Variants in GAS2L3 observed in about 807,000 individuals in gnomAD.
GAS2L3 encodes the protein growth arrest specific 2 like 3.
Under a neutral mutation model 37.0 loss-of-function variants are expected in GAS2L3, and 28 were observed. The observed-to-expected ratio is 0.76, with a 90% CI of 0.56 to 1.04. The LOEUF (loss-of-function observed/expected upper bound fraction) is 1.04, where lower values mean the gene tolerates loss of function less well. GAS2L3 is among the 50% of genes least tolerant of loss of function. The pLI, the probability that GAS2L3 is intolerant of heterozygous loss-of-function variation, is 0.00. For synonymous variants in GAS2L3, 290 were observed against 296.6 expected (o/e 0.98, Z 0.23); for missense variants, 793 against 817.6 (o/e 0.97, Z 0.37).
intron 1 of GAS2L3, among the ~76,000 whole-genome samples, chr12:100,589,634 A>C (rs891902433): frequency 3.9e-5 from 6 of 152,216 alleles, no homozygotes; most frequent in African/African-American, 7.2e-5. Flanking sequence ...TAATCAAAAA[A>C]GAATAAATCT....
intron 6 of GAS2L3, among the ~76,000 whole-genome samples, chr12:100,613,220 T>C (rs183537851): frequency 6.6e-6 from 1 of 152,346 alleles, no homozygotes; most frequent in Admixed American, 6.5e-5. Flanking sequence ...ATTTCTCATT[T>C]TCAGTAGAAG....
chr12:100,603,053 C>G (rs1260719567), intron 5 of GAS2L3, among the ~76,000 whole-genome samples: 5 of 152,158 alleles, frequency 3.3e-5, no homozygotes, highest in African/African-American at 1.2e-4. Flanking sequence ...TACTGATGGA[C>G]TTTTAGGTTG....
Position 100,626,865 on chromosome 12 carries a change from G to A in GAS2L3, c.*1975G>A, listed in dbSNP as rs1956336901. On this transcript the variant is annotated 3_prime_UTR_variant, in exon 10 of 10. Coordinates refer to ENST00000547754, the MANE Select transcript of GAS2L3 (RefSeq NM_174942.3). ...CCAGCATTTTGGGAAGCCAAGTTGG[G>A]CAGATCACGAAGTCAGGAGTTCGAA... The A allele has an allele frequency of 6.6e-6, 1 of 152,082 alleles. No individual in the cohort carries two copies. The highest frequency in any genetic ancestry group is 6.5e-5 in the Admixed American group (1 of 15,272). 9.4% of individuals were successfully genotyped at this position (152,082 alleles called of 1,614,324 possible).
chr12:100,601,023 T>G (rs1955981968), intron 4 of GAS2L3, among the ~76,000 whole-genome samples: 2 of 152,104 alleles, frequency 1.3e-5, no homozygotes, highest in Admixed American at 1.3e-4. Context: ...TGGCATTGTA[T>G]TTTTTACTCT....
chr12:100,604,968 C>A (rs1350686026), intron 5 of GAS2L3, among the ~76,000 whole-genome samples: 1 of 151,912 alleles, frequency 6.6e-6, no homozygotes, highest in Non-Finnish European at 1.5e-5. Context: ...GATGAATAAC[C>A]TTTTAAATGT....
intron 5 of GAS2L3, among the ~76,000 whole-genome samples, chr12:100,606,809 T>C (rs1287192661): frequency 6.6e-6 from 1 of 152,152 alleles, no homozygotes; most frequent in Non-Finnish European, 1.5e-5. Context: ...TGGTTGTTTT[T>C]CTTTATGTCT....
intron 5 of GAS2L3, among the ~76,000 whole-genome samples, chr12:100,606,515 CT>C (rs1215840488): frequency 4.6e-5 from 7 of 151,968 alleles, no homozygotes; most frequent in Non-Finnish European, 1.5e-5. Context: ...TAAATAAGGA[CT>C]TATTCCTGCC....
intron 1 of GAS2L3, among the ~76,000 whole-genome samples, chr12:100,580,560 G>A (rs1955698397): frequency 6.6e-6 from 1 of 152,148 alleles, no homozygotes; most frequent in Non-Finnish European, 1.5e-5. Context: ...AGTTTTTAAT[G>A]TTATGCCATT....
chr12:100,584,669 G>T (rs1955756357), intron 1 of GAS2L3, among the ~76,000 whole-genome samples: 1 of 151,934 alleles, frequency 6.6e-6, no homozygotes, highest in South Asian at 2.1e-4. Context: ...CGCATCCCAG[G>T]TTCAAGCAAT....
intron 1 of GAS2L3, among the ~76,000 whole-genome samples, chr12:100,576,122 A>G (rs1955633851): frequency 6.6e-6 from 1 of 152,220 alleles, no homozygotes; most frequent in Admixed American, 6.5e-5. Context: ...CACTTCAGAA[A>G]TGATGTTCCT....
At chr12:100,602,990 G>A (rs1017304580) in intron 5 of GAS2L3, among the ~76,000 whole-genome samples, 13 of 152,104 alleles carry the variant, frequency 8.5e-5, no homozygotes, top group African/African-American at 3.1e-4. Context: ...CTTTTTAGTA[G>A]CTCAGTGGTA....
chr12:100,579,845 A>G (rs541221877), intron 1 of GAS2L3: 44 of 741,848 alleles, frequency 5.9e-5, no homozygotes, highest in South Asian at 5.5e-4. Flanking sequence ...AACTGAAGTC[A>G]GGGGCATTGC....
chr12:100,624,710 C>A lies in GAS2L3; in HGVS notation c.1905C>A (p.Val635=), dbSNP rs373091248. The A allele has an allele frequency of 6.2e-7, 1 of 1,613,920 alleles. No homozygotes were observed. The highest frequency in any genetic ancestry group is 1.7e-5 in the Admixed American group (1 of 59,984). Residue 635 remains valine, a synonymous_variant, in exon 10 of 10, where the codon GTC becomes GTA. Coordinates refer to ENST00000547754, the MANE Select transcript of GAS2L3 (RefSeq NM_174942.3). ...TQTAPKSAQT[V]AKSQHSTKGP... ...CTGCACCGAAGTCAGCACAGACTGT[C>A]GCTAAGAGCCAGCATTCAACTAAAG...
At chr12:100,588,298 G>T (rs928751406) in intron 1 of GAS2L3, among the ~76,000 whole-genome samples, 22 of 152,304 alleles carry the variant, frequency 1.4e-4, no homozygotes, top group Non-Finnish European at 2.9e-4. Context: ...GAGTTTTACA[G>T]TTGGGCTGCC....
chr12:100,610,144 T>C (rs563664568), intron 5 of GAS2L3, among the ~76,000 whole-genome samples: 229 of 152,380 alleles, frequency 1.5e-3, no homozygotes, highest in African/African-American at 5.3e-3. Flanking sequence ...CATCTTTTGA[T>C]ACATAGTTCT....
intron 6 of GAS2L3, among the ~76,000 whole-genome samples, chr12:100,615,226 T>G (rs1267338455): frequency 2.6e-5 from 4 of 152,214 alleles, no homozygotes; most frequent in Non-Finnish European, 4.4e-5. Context: ...AGTATTTTGT[T>G]GTGGTTTTGA....
intron 1 of GAS2L3, among the ~76,000 whole-genome samples, chr12:100,588,965 T>G (rs910316890): frequency 4.6e-5 from 7 of 152,168 alleles, no homozygotes; most frequent in African/African-American, 1.7e-4. Flanking sequence ...GGTGCACTGA[T>G]TTCATATTGT....
chr12:100,575,474 C>CTTTTT (rs1377658474), intron 1 of GAS2L3, among the ~76,000 whole-genome samples: 1 of 98,646 alleles, frequency 1.0e-5, no homozygotes, highest in African/African-American at 4.3e-5. Flanking sequence ...CATGTTATCT[C>CTTTTT]TATTTTTTTT....
rs546617605 is a variant in GAS2L3 at position 100,600,499 on chromosome 12, A to T, written c.136A>T (p.Thr46Ser). The change falls in exon 4 of 10, where the codon ACT (threonine) becomes TCT (serine). Residue 46 changes from threonine to serine, a missense_variant. Physicochemically the swap from Thr to Ser is moderately conservative, Grantham distance 58 (BLOSUM62 1). Transcript: ENST00000547754. ...GTGGATAGCTGTGAGGCATGAAGCCACTTTGTTGCCCATGCAAGAAGATCT... is the reference window on the plus strand; with the variant it reads ...GTGGATAGCTGTGAGGCATGAAGCCTCTTTGTTGCCCATGCAAGAAGATCT... ...DEWIAVRHEATLLPMQEDLSI... is the reference protein window; with the variant it reads ...DEWIAVRHEASLLPMQEDLSI... 1.2e-5 allele frequency: 20 copies of T among 1,613,798 alleles called. No homozygotes were observed. The South Asian group carries it at 2.1e-4, about 17-fold the overall frequency.
Sources: allele counts gnomAD v4.1 joint callset (sites outside exome capture counted in the v4.1 genomes callset), GRCh38; gene constraint gnomAD v4.1.1; transcripts MANE v1.5; gene names NCBI Gene and HGNC (gene_info 2026-07-23, HGNC 2026-07-21).